The following ZCCHC14 variants were observed in gnomAD, a reference collection of about 807,000 sequenced individuals.
ZCCHC14 encodes the protein zinc finger CCHC-type containing 14.
A neutral mutation model predicts 85.0 loss-of-function variants in ZCCHC14; 16 were observed. The observed-to-expected ratio is 0.19, with a 90% confidence interval of 0.13 to 0.29. ZCCHC14 has a LOEUF of 0.29. ZCCHC14 is among the 10% of genes least tolerant of loss of function. The pLI, the probability that ZCCHC14 is intolerant of heterozygous loss-of-function variation, is 1.00. For missense variants in ZCCHC14, 1,303 were observed against 1,443.5 expected, an observed-to-expected ratio of 0.90 and a Z score of 1.58; for synonymous variants, 775 against 630.7, an observed-to-expected ratio of 1.23 and a Z score of -3.43.
intron 1 of ZCCHC14, among the ~76,000 whole-genome samples, chr16:87,475,552 TAAAA>T (rs35771945): frequency 2.2e-5 from 2 of 91,468 alleles, no homozygotes; most frequent in East Asian, 6.1e-4. Flanking sequence ...GACTCTGTCT[TAAAA>T]AAAAAAAAAA....
chr16:87,434,521 C>T (rs534165956), intron 2 of ZCCHC14, among the ~76,000 whole-genome samples: 13 of 152,364 alleles, frequency 8.5e-5, no homozygotes, highest in African/African-American at 3.1e-4. Flanking sequence ...TTTGTAGAAT[C>T]TAACTTTGTC....
intron 4 of ZCCHC14, among the ~76,000 whole-genome samples, chr16:87,423,552 T>G (rs553119177): frequency 6.6e-6 from 1 of 152,302 alleles, no homozygotes; most frequent in East Asian, 1.9e-4. Flanking sequence ...CATCAGTCGC[T>G]CATGCCCGGC....
chr16:87,427,427 G>A (rs181046769), intron 3 of ZCCHC14, among the ~76,000 whole-genome samples: 1 of 151,964 alleles, frequency 6.6e-6, no homozygotes, highest in East Asian at 1.9e-4. Flanking sequence ...TTTTCTTTTT[G>A]AGACAGAGTT....
At chr16:87,410,542 G>A (rs1908383520) in intron 12 of ZCCHC14, among the ~76,000 whole-genome samples, 1 of 152,232 alleles carries the variant, frequency 6.6e-6, no homozygotes, top group Admixed American at 6.5e-5. Context: ...GGGGTGAAAT[G>A]ACTCAGGAAA....
intron 2 of ZCCHC14, among the ~76,000 whole-genome samples, chr16:87,445,794 T>A (rs541566167): frequency 6.6e-6 from 1 of 152,190 alleles, no homozygotes; most frequent in Non-Finnish European, 1.5e-5. Context: ...AACAGGGTTG[T>A]AGTGTCTCTT....
rs922112709 is a variant in ZCCHC14, at chr16:87,407,858, C to T, written c.*2422G>A. 3.3e-5 allele frequency: 5 copies of T among 152,696 alleles called. No homozygotes were observed. Among genetic ancestry groups the T allele is most frequent in the Non-Finnish European group, 5.9e-5 (4 of 68,056 alleles). 9.5% of individuals were successfully genotyped at this position (152,696 alleles called of 1,614,324 possible). A position where few individuals can be genotyped will look rare whatever the true frequency, so the allele number is the denominator to read the frequency against. On this transcript the variant is annotated 3_prime_UTR_variant, in exon 13 of 13. Transcript: ENST00000671377. ...TCCGAGCTCGCTGCTGGCAAACTCT[C>T]AAGTCCAAGTGTGCGGCTCCCTCCG...
chr16:87,427,729 C>T (rs891083959), intron 3 of ZCCHC14, among the ~76,000 whole-genome samples: 2 of 152,078 alleles, frequency 1.3e-5, no homozygotes, highest in African/African-American at 4.8e-5. Context: ...CCTTGACCTC[C>T]CAGGCTCAAG....
chr16:87,418,834 G>A lies in ZCCHC14; in HGVS notation c.1100+13C>T. The A allele has an allele frequency of 6.2e-7, 1 of 1,611,862 alleles. No individual in the cohort carries two copies. The highest frequency in any genetic ancestry group is 8.5e-7 in the Non-Finnish European group (1 of 1,178,322). On this transcript the variant is annotated intron_variant, in intron 7 of 12. Transcript: ENST00000671377. ...TTATCTGAACTGTGCTGGTTACATA[G>A]AAGATTTCTCACCTTCCAGACACGC... is the stretch of plus-strand genomic sequence containing the variant.
chr16:87,483,728 T>C (rs540095917), intron 1 of ZCCHC14, among the ~76,000 whole-genome samples: 1 of 152,272 alleles, frequency 6.6e-6, no homozygotes, highest in South Asian at 2.1e-4. Flanking sequence ...GCCTTGTATG[T>C]GGCTGTGGGA....
intron 10 of ZCCHC14, among the ~76,000 whole-genome samples, chr16:87,414,062 T>C (rs1908632497): frequency 6.6e-6 from 1 of 152,188 alleles, no homozygotes; most frequent in African/African-American, 2.4e-5. Flanking sequence ...AATCTAATGA[T>C]CAAACAGAAC....
intron 1 of ZCCHC14, among the ~76,000 whole-genome samples, chr16:87,485,883 C>G (rs1912494017): frequency 6.6e-6 from 1 of 152,202 alleles, no homozygotes; most frequent in Admixed American, 6.5e-5. Context: ...CCTAAGTAAA[C>G]AGTACGCTTC....
At chr16:87,434,806 A>G (rs1419830263) in intron 2 of ZCCHC14, among the ~76,000 whole-genome samples, 1 of 152,130 alleles carries the variant, frequency 6.6e-6, no homozygotes, top group Non-Finnish European at 1.5e-5. Flanking sequence ...CCTGGCCAAC[A>G]TGGTGAATCC....
chr16:87,448,383 A>G (rs1173074209), intron 2 of ZCCHC14, among the ~76,000 whole-genome samples: 1 of 152,170 alleles, frequency 6.6e-6, no homozygotes, highest in Non-Finnish European at 1.5e-5. Flanking sequence ...CCTTATCAAA[A>G]AAAACAACAA....
rs151079334 is a variant in ZCCHC14, at chr16:87,452,019, C to T, written c.694+7989G>A. Among the ~76,000 whole-genome samples the T allele has an allele frequency of 2.2e-3, 338 of 152,346 alleles. 2 individuals carry two copies. The highest frequency in any genetic ancestry group is 7.7e-3 in the African/African-American group (321 of 41,586). ...CTGGGCAAGTGTGGGCTGACTGCAG[C>T]GTTCTTGAGCCACCACGGACAAGCC... On this transcript the variant is annotated intron_variant, in intron 2 of 12. Coordinates refer to ENST00000671377, the MANE Select transcript of ZCCHC14 (RefSeq NM_015144.3).
intron 3 of ZCCHC14, among the ~76,000 whole-genome samples, chr16:87,430,044 G>A (rs1233035618): frequency 6.6e-6 from 1 of 152,214 alleles, no homozygotes; most frequent in Non-Finnish European, 1.5e-5. Flanking sequence ...ATCTCTCAAA[G>A]AGAAAGTTTC....
At chr16:87,430,725 T>C (rs1909612789) in intron 3 of ZCCHC14, among the ~76,000 whole-genome samples, 1 of 151,712 alleles carries the variant, frequency 6.6e-6, no homozygotes, top group South Asian at 2.1e-4. Flanking sequence ...TTTCACCATG[T>C]TGGCTAGGCT....
At chr16:87,415,790 A>G (rs1286411664) in intron 8 of ZCCHC14, among the ~76,000 whole-genome samples, 1 of 152,176 alleles carries the variant, frequency 6.6e-6, no homozygotes, top group African/African-American at 2.4e-5. Flanking sequence ...AAGTTATGAT[A>G]GCGTGCCACC....
intron 1 of ZCCHC14, among the ~76,000 whole-genome samples, chr16:87,461,885 A>T (rs1911277137): frequency 6.6e-6 from 1 of 152,176 alleles, no homozygotes; most frequent in South Asian, 2.1e-4. Context: ...ATGCAGGGAG[A>T]GGGACTAACA....
At position 87,420,972 on chromosome 16, in the gene ZCCHC14, C is replaced by G. The variant is rs541905772; in HGVS notation, c.841-256G>C. Among the ~76,000 whole-genome samples the G allele has an allele frequency of 5.3e-5, 8 of 152,378 alleles. No homozygotes were observed. In the South Asian group the frequency reaches 1.4e-3, roughly 28 times the overall value. The stretch of plus-strand genomic sequence containing the variant: ...CAATCACAATGTTCCTTGAGCCCAT[C>G]TGAGAGTTGCTGGGCCACTAAGTCA... On this transcript the variant is annotated intron_variant, in intron 4 of 12. Coordinates refer to ENST00000671377, the MANE Select transcript of ZCCHC14 (RefSeq NM_015144.3). This position sits in a 1 kb window ranked among gnomAD's most constrained non-coding sequence, Gnocchi z 5.0.
Sources: gnomAD v4.1 joint callset for allele counts (sites outside exome capture counted in the v4.1 genomes callset) on GRCh38, gnomAD v4.1.1 for gene constraint, Gnocchi (gnomAD v3.1) non-coding constraint, MANE v1.5 for transcripts, NCBI Gene and HGNC (gene_info 2026-07-23, HGNC 2026-07-21) for gene names.